Variants in RBMS3 observed in about 807,000 individuals in gnomAD.
RBMS3 encodes RNA-binding motif, single-stranded-interacting protein 3.
A neutral mutation model predicts 66.8 loss-of-function variants in RBMS3; 27 were observed. The ratio of observed to expected loss-of-function variants is 0.40; its 90% CI spans 0.30 to 0.56. RBMS3 has a LOEUF of 0.56. Among genes scored for constraint, RBMS3 ranks in the 20% least tolerant of loss-of-function variants. The probability of loss-of-function intolerance (pLI) is 0.40; values close to 1 mark genes in which losing one functional copy is unlikely to be tolerated. For missense variants in RBMS3, 513 were observed against 549.5 expected (o/e 0.93, Z 0.66); for synonymous variants, 188 against 183.0 (o/e 1.03, Z -0.22).
chr3:29,661,645 A>C (rs1279183769), intron 4 of RBMS3, among the ~76,000 whole-genome samples: 1 of 151,992 alleles, frequency 6.6e-6, no homozygotes, highest in Non-Finnish European at 1.5e-5. Flanking sequence ...TCAGATTTTG[A>C]ATCCACTGGT....
chr3:29,949,069 C>T (rs1695506176), intron 12 of RBMS3, among the ~76,000 whole-genome samples: 1 of 151,432 alleles, frequency 6.6e-6, no homozygotes, highest in African/African-American at 2.4e-5. Context: ...ATTTTGTTCG[C>T]TAAATTATAA....
intron 4 of RBMS3, chr3:29,614,563 A>G (rs1307181751): frequency 6.6e-6 from 1 of 152,178 alleles, no homozygotes; most frequent in Non-Finnish European, 1.5e-5. Context: ...AAACAAAAAT[A>G]AAATAAAAAT....
chr3:29,427,492 T>A (rs1455091668), intron 1 of RBMS3, among the ~76,000 whole-genome samples: 1 of 152,112 alleles, frequency 6.6e-6, no homozygotes, highest in Non-Finnish European at 1.5e-5. Flanking sequence ...AGAATAAAGG[T>A]TATGTGGAAA....
intron 1 of RBMS3, among the ~76,000 whole-genome samples, chr3:29,353,151 A>G (rs2037020591): frequency 6.6e-6 from 1 of 151,838 alleles, no homozygotes; most frequent in South Asian, 2.1e-4. Flanking sequence ...GGTGATAAAT[A>G]TGTCTGATTC....
chr3:29,686,005 T>G (rs1459902051), intron 4 of RBMS3, among the ~76,000 whole-genome samples: 1 of 152,200 alleles, frequency 6.6e-6, no homozygotes, highest in African/African-American at 2.4e-5. Context: ...TCGCTTTCCC[T>G]CTCTGGATCT....
intron 4 of RBMS3, among the ~76,000 whole-genome samples, chr3:29,631,079 T>C (rs1196367634): frequency 6.6e-6 from 1 of 151,908 alleles, no homozygotes; most frequent in Admixed American, 6.6e-5. Flanking sequence ...TTTTAAGAGG[T>C]ATTTAGTTGG....
intron 10 of RBMS3, among the ~76,000 whole-genome samples, chr3:29,915,497 C>A (rs2060616721): frequency 1.3e-5 from 2 of 151,910 alleles, no homozygotes; most frequent in African/African-American, 4.8e-5. Context: ...TTCTATTTGA[C>A]ATTTTAAAGA....
In RBMS3 at chr3:29,775,459, T is replaced by C. The variant is rs116794374; in HGVS notation, c.637+12470T>C. 9.6e-3 allele frequency among the ~76,000 whole-genome samples: 1,464 copies of C among 152,116 alleles called. 23 individuals are homozygous for C. The highest frequency in any genetic ancestry group is 0.033 in the African/African-American group (1,350 of 41,522). On this transcript the variant is annotated intron_variant, in intron 6 of 14. Coordinates refer to ENST00000383767, the MANE Select transcript of RBMS3 (RefSeq NM_001003793.3). The stretch of plus-strand genomic sequence containing the variant: ...ATGTATTTAAGCAGCGTGTGTGGCA[T>C]GCTGCAATTGTGGGAATGGAATTAT...
In RBMS3 at chr3:29,368,384, A is replaced by G. The variant is rs1575632807; in HGVS notation, c.76-66359A>G. Among the ~76,000 whole-genome samples, 3 of 152,082 alleles carry G rather than the reference A, an allele frequency of 2.0e-5. No homozygotes were observed. The South Asian group carries it at 6.2e-4, about 32-fold the overall frequency. On this transcript the variant is annotated intron_variant, in intron 1 of 14. Coordinates refer to ENST00000383767, the MANE Select transcript of RBMS3 (RefSeq NM_001003793.3). ...AAACAGGTTGATCTATATTTATTGG[A>G]GTATTGCTGGGTAGAAAATTTGTCA...
rs1020805546 is a variant in RBMS3, at chr3:29,866,738, T to C, written c.638-2120T>C. On this transcript the variant is annotated intron_variant, in intron 6 of 14. Transcript: ENST00000383767. ...TTACAGTACTTATAACATAAAGAAT[T>C]AGGAATCAGAATTTACAGTACTTCT... is the stretch of plus-strand genomic sequence containing the variant. Among the ~76,000 whole-genome samples the C allele has an allele frequency of 2.6e-5, 4 of 152,272 alleles. No homozygotes were observed. In the East Asian group the frequency reaches 7.7e-4, roughly 29 times the overall value.
intron 4 of RBMS3, among the ~76,000 whole-genome samples, chr3:29,594,303 G>A (rs1545637): frequency 0.15 from 22,591 of 151,944 alleles, 1,926 homozygotes; most frequent in East Asian, 0.32. Flanking sequence ...TAATTGATCA[G>A]TAAATTTTTA....
At chr3:29,620,424 T>G (rs1282247512) in intron 4 of RBMS3, among the ~76,000 whole-genome samples, 1 of 152,142 alleles carries the variant, frequency 6.6e-6, no homozygotes. Flanking sequence ...TAAGCTTATA[T>G]CTCACTTCTC....
At chr3:29,411,266 T>C (rs2040254703) in intron 1 of RBMS3, among the ~76,000 whole-genome samples, 1 of 152,208 alleles carries the variant, frequency 6.6e-6, no homozygotes, top group Non-Finnish European at 1.5e-5. Flanking sequence ...TAATCTCACC[T>C]CCTGGGTAAA....
At chr3:29,713,284 C>G (rs1046436736) in intron 4 of RBMS3, among the ~76,000 whole-genome samples, 1 of 151,994 alleles carries the variant, frequency 6.6e-6, no homozygotes, top group South Asian at 2.1e-4. Context: ...CCTCTGTTCC[C>G]ATATAAGGAT....
At chr3:29,408,690 C>T (rs1392933232) in intron 1 of RBMS3, among the ~76,000 whole-genome samples, 1 of 151,682 alleles carries the variant, frequency 6.6e-6, no homozygotes, top group Non-Finnish European at 1.5e-5. Context: ...AGCAGCAGAC[C>T]CCAGCTTTTC....
intron 1 of RBMS3, among the ~76,000 whole-genome samples, chr3:29,403,928 T>C (rs762497972): frequency 1.5e-4 from 23 of 152,058 alleles, no homozygotes; most frequent in Admixed American, 3.9e-4. Flanking sequence ...CTTTTGATAA[T>C]AGAAATATGA....
chr3:29,364,396 G>A (rs2037780754), intron 1 of RBMS3, among the ~76,000 whole-genome samples: 1 of 152,112 alleles, frequency 6.6e-6, no homozygotes, highest in Non-Finnish European at 1.5e-5. Flanking sequence ...TTATAACTTA[G>A]CAGAGCTTCC....
At chr3:29,549,132 G>A (rs1420118443) in intron 3 of RBMS3, among the ~76,000 whole-genome samples, 1 of 135,176 alleles carries the variant, frequency 7.4e-6, no homozygotes, top group African/African-American at 2.9e-5. Context: ...CTTCCTTATG[G>A]CTTACTTGAA....
intron 1 of RBMS3, among the ~76,000 whole-genome samples, chr3:29,329,010 A>G (rs932193194): frequency 6.6e-6 from 1 of 152,168 alleles, no homozygotes; most frequent in African/African-American, 2.4e-5. Context: ...ATGCATACCT[A>G]GTTATGATTT....
Sources: allele counts gnomAD v4.1 joint callset (sites outside exome capture counted in the v4.1 genomes callset), GRCh38; gene constraint gnomAD v4.1.1; transcripts MANE v1.5; gene names NCBI Gene and HGNC (gene_info 2026-07-23, HGNC 2026-07-21).